SCARB1: variants seen among roughly 807,000 people sequenced by gnomAD.
SCARB1 encodes CD36 and LIMPII analogous 1.
Under a neutral mutation model 57.2 loss-of-function variants are expected in SCARB1, and 30 were observed. The ratio of observed to expected loss-of-function variants is 0.52; its 90% CI spans 0.39 to 0.71. SCARB1 has a LOEUF of 0.71. SCARB1 is among the 30% of genes least tolerant of loss of function. The pLI is 0.00. For missense variants in SCARB1, 543 were observed against 671.2 expected, an observed-to-expected ratio of 0.81 and a Z score of 2.11; for synonymous variants, 249 against 268.3, an observed-to-expected ratio of 0.93 and a Z score of 0.70.
rs778387848 is a variant in SCARB1, at chr12:124,863,684, C to A, written c.37G>T (p.Ala13Ser). The A allele has an allele frequency of 6.4e-7, 1 of 1,554,844 alleles. No individual in the cohort carries two copies. The highest frequency in any genetic ancestry group is 1.2e-5 in the South Asian group (1 of 84,346). ...CSAKARWAAG[A>S]LGVAGLLCAV... The stretch of plus-strand genomic sequence containing the variant: ...CACAGTAGCCCCGCGACGCCCAGCG[C>A]CCCGGCAGCCCAGCGCGCTTTGGCG... Residue 13 changes from alanine (A) to serine (S), a missense_variant, in exon 1 of 13, where the codon GCG becomes TCG. Physicochemically the swap from Ala to Ser is moderately conservative, Grantham distance 99. Coordinates refer to ENST00000261693, the MANE Select transcript of SCARB1 (RefSeq NM_005505.5).
chr12:124,825,929 G>A (rs1023763314), intron 1 of SCARB1, among the ~76,000 whole-genome samples: 30 of 152,066 alleles, frequency 2.0e-4, no homozygotes, highest in African/African-American at 6.3e-4. Flanking sequence ...CAGGTCACAG[G>A]GCGCAAAGCT....
At chr12:124,821,672 G>T in intron 1 of SCARB1, 4 of 379,226 alleles carry the variant, frequency 1.1e-5, no homozygotes, top group Non-Finnish European at 1.4e-5. Context: ...GGAGAGTGTC[G>T]CCTCATGGGC....
At chr12:124,816,718 G>A (rs1193583974) in intron 2 of SCARB1, among the ~76,000 whole-genome samples, 1 of 152,066 alleles carries the variant, frequency 6.6e-6, no homozygotes, top group African/African-American at 2.4e-5. Context: ...GGAGGTAAGG[G>A]AGTTGTAACA....
chr12:124,819,662 A>C (rs12296148), intron 1 of SCARB1, among the ~76,000 whole-genome samples: 165 of 152,314 alleles, frequency 1.1e-3, no homozygotes, highest in African/African-American at 3.8e-3. Flanking sequence ...CTGATGTCGC[A>C]AAGCCAGGCA....
chr12:124,858,742 G>A (rs1409321843), intron 1 of SCARB1, among the ~76,000 whole-genome samples: 1 of 152,022 alleles, frequency 6.6e-6, no homozygotes, highest in Non-Finnish European at 1.5e-5. Flanking sequence ...AGGTGGGTGC[G>A]GTGGCGGGCG....
chr12:124,839,575 C>T (rs1002305479), intron 1 of SCARB1: 1 of 975,418 alleles, frequency 1.0e-6, no homozygotes, highest in Non-Finnish European at 1.2e-6. Context: ...AGTGGGGTTG[C>T]CCCACCATAT....
At position 124,822,622 on chromosome 12, in the gene SCARB1, C is replaced by T. The variant is rs576812603; in HGVS notation, c.127-4915G>A. On this transcript the variant is annotated intron_variant, in intron 1 of 12. Transcript: ENST00000261693. This position sits in a 1 kb window ranked among gnomAD's most constrained non-coding sequence, Gnocchi z 5.0. ...AAATTAGGCCAGGCATGGTGGCTCACGCCTGTAATCCAAGGACTTTGGGAG... is the reference window on the plus strand; with the variant it reads ...AAATTAGGCCAGGCATGGTGGCTCATGCCTGTAATCCAAGGACTTTGGGAG... Among the ~76,000 whole-genome samples the T allele has an allele frequency of 1.4e-4, 22 of 152,298 alleles. No homozygotes were observed. Among genetic ancestry groups the T allele is most frequent in the African/African-American group, 4.6e-4 (19 of 41,558 alleles).
rs1951003359 is a variant in SCARB1 at position 124,822,997 on chromosome 12, C to T, written c.127-5290G>A. Among the ~76,000 whole-genome samples, 6 of 152,184 alleles carry T rather than the reference C, an allele frequency of 3.9e-5. No homozygotes were observed. The highest frequency in any genetic ancestry group is 3.9e-4 in the Admixed American group (6 of 15,284). On this transcript the variant is annotated intron_variant, in intron 1 of 12. Coordinates refer to ENST00000261693, the MANE Select transcript of SCARB1 (RefSeq NM_005505.5). This position sits in a 1 kb window ranked among gnomAD's most constrained non-coding sequence, Gnocchi z 5.0. ...AATTTAAAAATGAATACTATTACTA[C>T]CTTTAAAATATAATGCAATCATGTT...
At chr12:124,818,254 C>T (rs530598742) in intron 1 of SCARB1, among the ~76,000 whole-genome samples, 4 of 152,262 alleles carry the variant, frequency 2.6e-5, no homozygotes, top group African/African-American at 9.6e-5. Context: ...ACGCATGCCA[C>T]GTGACAGAGC....
intron 11 of SCARB1, chr12:124,783,584 T>A (rs1043302670): frequency 6.6e-6 from 1 of 151,934 alleles, no homozygotes; most frequent in African/African-American, 2.4e-5. Flanking sequence ...CTGGCCAACA[T>A]GGTGAAACCC....
chr12:124,840,867 A>T (rs1421615102), intron 1 of SCARB1, among the ~76,000 whole-genome samples: 1 of 152,164 alleles, frequency 6.6e-6, no homozygotes, highest in African/African-American at 2.4e-5. Context: ...GCAGCCAGAG[A>T]GCTCTTCAAG....
At chr12:124,795,898 G>A (rs192633046) in intron 8 of SCARB1, among the ~76,000 whole-genome samples, 2 of 152,270 alleles carry the variant, frequency 1.3e-5, no homozygotes, top group Admixed American at 1.3e-4. Context: ...TCATTTTTAT[G>A]GTTGTCTTCT....
chr12:124,859,697 C>T (rs753014457), intron 1 of SCARB1, among the ~76,000 whole-genome samples: 47 of 152,192 alleles, frequency 3.1e-4, no homozygotes, highest in African/African-American at 7.7e-4. Flanking sequence ...TGGCAGGGCG[C>T]GGTGGTTCAC....
chr12:124,841,308 C>T (rs562007948), intron 1 of SCARB1, among the ~76,000 whole-genome samples: 6 of 150,912 alleles, frequency 4.0e-5, no homozygotes, highest in African/African-American at 1.5e-4. Context: ...GGAGGCGGAG[C>T]TTGCAGTGAG....
At position 124,863,799 on chromosome 12, in the gene SCARB1, C is replaced by G; in HGVS notation, c.-79G>C. The G allele has an allele frequency of 7.3e-7, 1 of 1,369,952 alleles. No individual in the cohort carries two copies. Among genetic ancestry groups the G allele is most frequent in the Non-Finnish European group, 9.4e-7 (1 of 1,066,008 alleles). The allele number at this position is 1,369,952 out of a possible 1,614,324, so 84.9% of individuals were successfully genotyped here. ...GACGGGGACGGCGACAGAGACGACA[C>G]AGGCGGGGACTCCGGGCACGCAGGC... On this transcript the variant is annotated 5_prime_UTR_variant, in exon 1 of 13. Coordinates refer to ENST00000261693, the MANE Select transcript of SCARB1 (RefSeq NM_005505.5).
Position 124,807,696 on chromosome 12 carries a change from A to T in SCARB1, c.1009+65T>A. ...AGATTAAGCAGACAGCACTGGGCAG[A>T]TAAACCCTCAGCTGGCCCCACCCTC... On this transcript the variant is annotated intron_variant, in intron 7 of 12. Coordinates refer to ENST00000261693, the MANE Select transcript of SCARB1 (RefSeq NM_005505.5). This position sits in a 1 kb window ranked among gnomAD's most constrained non-coding sequence, Gnocchi z 5.3. 1 of 1,525,090 alleles carries T rather than the reference A, an allele frequency of 6.6e-7. No individual in the cohort carries two copies. The highest frequency in any genetic ancestry group is 9.1e-7 in the Non-Finnish European group (1 of 1,103,534). 94.5% of individuals were successfully genotyped at this position (1,525,090 alleles called of 1,614,324 possible).
chr12:124,816,671 GGGGGTGT>G (rs1263790098), intron 2 of SCARB1, among the ~76,000 whole-genome samples: 1 of 152,086 alleles, frequency 6.6e-6, no homozygotes, highest in Non-Finnish European at 1.5e-5. Context: ...ACTGGGAAGT[GGGGGTGT>G]GGAGGAGGGG....
intron 1 of SCARB1, among the ~76,000 whole-genome samples, chr12:124,825,411 C>T (rs892941900): frequency 6.6e-6 from 1 of 152,180 alleles, no homozygotes; most frequent in African/African-American, 2.4e-5. Flanking sequence ...GGGCTCACGC[C>T]TGTGATCCCA....
In SCARB1 at chr12:124,800,078, C is replaced by A. The variant is rs1229094217; in HGVS notation, c.1128+46G>T. ...GAGAGAGGAGGCAGCCAGGTGTGCT[C>A]CAACCAGGAATCACCCACCCCCCAC... On this transcript the variant is annotated intron_variant, in intron 8 of 12. Transcript: ENST00000261693. The surrounding 1 kb of genome is among the most constrained non-coding windows in gnomAD (Gnocchi z 4.8). The A allele has an allele frequency of 7.0e-7, 1 of 1,436,084 alleles. No homozygotes were observed. The highest frequency in any genetic ancestry group is 1.1e-5 in the South Asian group (1 of 87,384). The allele number at this position is 1,436,084 out of a possible 1,614,324, so 89.0% of individuals were successfully genotyped here. A position where few individuals can be genotyped will look rare whatever the true frequency, so the allele number is the denominator to read the frequency against.
Sources: allele counts gnomAD v4.1 joint callset (sites outside exome capture counted in the v4.1 genomes callset), GRCh38; gene constraint gnomAD v4.1.1; non-coding constraint Gnocchi (gnomAD v3.1); transcripts MANE v1.5; gene names NCBI Gene and HGNC (gene_info 2026-07-23, HGNC 2026-07-21).